Variants in LZTFL1 observed in about 807,000 individuals in gnomAD.
LZTFL1 encodes the protein leucine zipper transcription factor like 1.
In LZTFL1, 25 loss-of-function variants were observed where a neutral mutation model predicts 45.9. The ratio of observed to expected loss-of-function variants is 0.54; its 90% CI spans 0.40 to 0.76. LZTFL1 has a LOEUF of 0.76. Among genes scored for constraint, LZTFL1 ranks in the 30% least tolerant of loss-of-function variants. The probability of loss-of-function intolerance (pLI) is 0.00; values close to 1 mark genes in which losing one functional copy is unlikely to be tolerated. For synonymous variants in LZTFL1, 93 were observed against 117.4 expected (o/e 0.79, Z 1.35); for missense variants, 277 against 331.1 (o/e 0.84, Z 1.27).
intron 3 of LZTFL1, chr3:45,834,784 A>G (rs115816273): frequency 3.9e-3 from 601 of 153,870 alleles, no homozygotes; most frequent in Non-Finnish European, 6.7e-3. Context: ...GAAGATTTGC[A>G]AAGGCCAATG....
intron 8 of LZTFL1, among the ~76,000 whole-genome samples, chr3:45,828,058 C>A (rs113004532): frequency 6.6e-6 from 1 of 152,010 alleles, no homozygotes; most frequent in Non-Finnish European, 1.5e-5. Flanking sequence ...TAGCTCTCTA[C>A]ATATTTTATA....
chr3:45,829,721 C>T (rs1700767874), intron 7 of LZTFL1, among the ~76,000 whole-genome samples: 1 of 150,532 alleles, frequency 6.6e-6, no homozygotes, highest in East Asian at 1.9e-4. Context: ...AATAAAAGCA[C>T]GTATTCACTG....
At chr3:45,892,528 A>G (rs148713154) in intron 2 of LZTFL1, among the ~76,000 whole-genome samples, 2 of 152,182 alleles carry the variant, frequency 1.3e-5, no homozygotes, top group South Asian at 2.1e-4. Context: ...ATGGACACAA[A>G]AAAGGGAATA....
chr3:45,854,000 A>G (rs1701347771), intron 4 of LZTFL1, among the ~76,000 whole-genome samples: 1 of 152,154 alleles, frequency 6.6e-6, no homozygotes, highest in Non-Finnish European at 1.5e-5. Context: ...AAATGAGCTG[A>G]TGGCTGCCAG....
intron 2 of LZTFL1, among the ~76,000 whole-genome samples, chr3:45,867,355 A>G (rs955503675): frequency 2.0e-5 from 3 of 152,032 alleles, no homozygotes; most frequent in African/African-American, 7.2e-5. Flanking sequence ...ACTTGTAATG[A>G]TGGGCACTTC....
At chr3:45,850,646 A>T (rs943032849) in intron 4 of LZTFL1, among the ~76,000 whole-genome samples, 4 of 152,068 alleles carry the variant, frequency 2.6e-5, no homozygotes, top group Admixed American at 2.6e-4. Context: ...TTCACAATAT[A>T]TTTCTTGATG....
intron 2 of LZTFL1, among the ~76,000 whole-genome samples, chr3:45,881,675 C>A (rs1701863019): frequency 6.6e-6 from 1 of 152,176 alleles, no homozygotes; most frequent in Admixed American, 6.5e-5. Flanking sequence ...TTTTAAGGGA[C>A]CTTGCCCTTA....
chr3:45,830,821 G>A, intron 7 of LZTFL1, 92 bp downstream of exon 7: 2 of 1,033,834 alleles, frequency 1.9e-6, no homozygotes, highest in Non-Finnish European at 3.0e-6. Context: ...AGCAGGGGTG[G>A]GGTACAGTGA....
At chr3:45,850,411 G>A (rs1282569031) in intron 4 of LZTFL1, among the ~76,000 whole-genome samples, 3 of 152,128 alleles carry the variant, frequency 2.0e-5, no homozygotes, top group African/African-American at 7.2e-5. Context: ...GGGACTTGAT[G>A]GTCTCACTCT....
rs537978072 is a variant in LZTFL1 at position 45,903,654 on chromosome 3, G to C, written c.-215+9466C>G. ...AGCACATGAGAATGAGGAATAAAGTGAGCAGACATGGGCAGCAGCCAGGGA... is the reference window on the plus strand; with the variant it reads ...AGCACATGAGAATGAGGAATAAAGTCAGCAGACATGGGCAGCAGCCAGGGA... On this transcript the variant is annotated intron_variant, in intron 2 of 4. Coordinates refer to the LZTFL1 transcript ENST00000472635. Among the ~76,000 whole-genome samples, 25 of 152,322 alleles carry C rather than the reference G, an allele frequency of 1.6e-4. No homozygotes were observed. In the South Asian group the frequency reaches 4.8e-3, roughly 29 times the overall value.
intron 3 of LZTFL1, chr3:45,855,224 C>T (rs889998359): frequency 3.5e-5 from 19 of 539,218 alleles, no homozygotes; most frequent in East Asian, 9.6e-5. Flanking sequence ...ACAATCAAGT[C>T]GGCTTCATCC....
chr3:45,907,837 C>A lies in LZTFL1; in HGVS notation c.-215+5283G>T, dbSNP rs1702711302. The stretch of plus-strand genomic sequence containing the variant: ...CAGCCACGGACTGTGCGTGTTCTTG[C>A]TCACGTGTGTCTGCCCAGCAACAGG... On this transcript the variant is annotated intron_variant, in intron 2 of 4. Coordinates refer to the LZTFL1 transcript ENST00000472635. 2.0e-5 allele frequency among the ~76,000 whole-genome samples: 3 copies of A among 152,312 alleles called. No individual in the cohort carries two copies. The South Asian group carries it at 6.2e-4, about 32-fold the overall frequency.
At chr3:45,915,369 C>T (rs1199049628) in intron 1 of LZTFL1, 1 of 376,888 alleles carries the variant, frequency 2.7e-6, no homozygotes, top group Non-Finnish European at 5.3e-6. Context: ...CCTTCTCCCT[C>T]ACCAGCTTTC....
chr3:45,839,072 A>T (rs1701038336), intron 1 of LZTFL1, among the ~76,000 whole-genome samples: 1 of 145,248 alleles, frequency 6.9e-6, no homozygotes, highest in Non-Finnish European at 1.5e-5. Context: ...ACAATTTGCT[A>T]AAAACAAAGC....
rs1379649763 is a variant in LZTFL1 at position 45,825,840 on chromosome 3, G to C, written c.*474C>G. ...TCATCAAATAGAGTAAATGAATTAA[G>C]ATTTCATTTTTAAAAATAAAGAGAC... On this transcript the variant is annotated 3_prime_UTR_variant, in exon 10 of 10. Coordinates refer to ENST00000296135, the MANE Select transcript of LZTFL1 (RefSeq NM_020347.4). 2 of 153,024 alleles carry C rather than the reference G, an allele frequency of 1.3e-5. No individual in the cohort carries two copies. Among genetic ancestry groups the C allele is most frequent in the Non-Finnish European group, 2.9e-5 (2 of 68,400 alleles). The allele number at this position is 153,024 out of a possible 1,614,324, so 9.5% of individuals were successfully genotyped here. A position where few individuals can be genotyped will look rare whatever the true frequency, so the allele number is the denominator to read the frequency against.
At chr3:45,888,318 T>C (rs1702046285) in intron 2 of LZTFL1, among the ~76,000 whole-genome samples, 2 of 152,288 alleles carry the variant, frequency 1.3e-5, no homozygotes, top group African/African-American at 4.8e-5. Context: ...CGCAAAAATG[T>C]CACCTCTTCA....
upstream of LZTFL1, among the ~76,000 whole-genome samples, chr3:45,844,621 A>G (rs909234355): frequency 2.0e-5 from 3 of 152,174 alleles, no homozygotes; most frequent in Non-Finnish European, 4.4e-5. Context: ...TCTTGCATGA[A>G]GTTCTACCAT....
intron 4 of LZTFL1, among the ~76,000 whole-genome samples, chr3:45,852,926 A>C (rs1276512920): frequency 6.6e-6 from 1 of 152,186 alleles, no homozygotes; most frequent in Non-Finnish European, 1.5e-5. Flanking sequence ...AGGCCATGAG[A>C]CCTAGATTGG....
chr3:45,890,041 C>T (rs1702099347), intron 2 of LZTFL1, among the ~76,000 whole-genome samples: 1 of 150,786 alleles, frequency 6.6e-6, no homozygotes, highest in African/African-American at 2.4e-5. Context: ...TTATACTCCT[C>T]ACAGCAGTGT....
Sources: allele counts gnomAD v4.1 joint callset (sites outside exome capture counted in the v4.1 genomes callset), GRCh38; gene constraint gnomAD v4.1.1; transcripts MANE v1.5; gene names NCBI Gene and HGNC (gene_info 2026-07-23, HGNC 2026-07-21).